ATP11C: variants seen among roughly 807,000 people sequenced by gnomAD.
ATP11C encodes phospholipid-transporting ATPase IG.
ATP11C carries 36 observed loss-of-function variants against 97.4 expected under a neutral mutation model. The ratio of observed to expected loss-of-function variants is 0.37; its 90% CI spans 0.28 to 0.49. ATP11C has a LOEUF of 0.49. Ranked by LOEUF, ATP11C falls within the 20% of genes least tolerant of loss-of-function variation. ATP11C has a pLI of 0.98. For missense variants in ATP11C, 730 were observed against 824.6 expected, an observed-to-expected ratio of 0.89 and a Z score of 1.40; for synonymous variants, 275 against 290.9, an observed-to-expected ratio of 0.95 and a Z score of 0.56.
intron 1 of ATP11C, among the ~76,000 whole-genome samples, chrX:139,929,894 A>G (rs774977078): frequency 1.2e-3 from 133 of 111,024 alleles, no homozygotes; most frequent in South Asian, 6.4e-3. Context: ...CCCCTCCCCC[A>G]AATTTTGAAG....
intron 2 of ATP11C, among the ~76,000 whole-genome samples, chrX:139,821,310 G>A (rs1348792496): frequency 8.9e-6 from 1 of 111,991 alleles, no homozygotes; most frequent in Non-Finnish European, 1.9e-5. Flanking sequence ...CTTCTTATGA[G>A]ATTCCCAAGG....
Position 139,757,692 on chromosome X carries a change from C to G in ATP11C, c.2700+116G>C, listed in dbSNP as rs763286300. 410 of 442,505 alleles carry G rather than the reference C, an allele frequency of 9.3e-4. 2 individuals carry two copies. The South Asian group carries it at 0.011, about 12-fold the overall frequency. The allele number at this position is 442,505 out of a possible 1,213,427, so 36.5% of individuals were successfully genotyped here. Reference sequence around the variant, plus strand: ...CATAAACATTTGCTGTTGTCAAAACCAAGAGATCATTTTACTTTGTACATA... The same window carrying G: ...CATAAACATTTGCTGTTGTCAAAACGAAGAGATCATTTTACTTTGTACATA... On this transcript the variant is annotated intron_variant, in intron 23 of 29. Coordinates refer to ENST00000682941, the MANE Select transcript of ATP11C (RefSeq NM_001353812.2).
chrX:139,817,036 A>G (rs1356816104), intron 3 of ATP11C, 93 bp from the exon 4 acceptor site: 1 of 515,360 alleles, frequency 1.9e-6, no homozygotes, highest in Non-Finnish European at 3.1e-6. Context: ...AAACAGAAAC[A>G]TAGACAAAAC....
intron 1 of ATP11C, among the ~76,000 whole-genome samples, chrX:139,930,574 A>G: frequency 9.0e-6 from 1 of 111,436 alleles, no homozygotes. Flanking sequence ...TAAGAACAAT[A>G]CCCGCTTGCA....
At chrX:139,752,047 T>C (rs1352153223) in intron 23 of ATP11C, among the ~76,000 whole-genome samples, 4 of 111,499 alleles carry the variant, frequency 3.6e-5, no homozygotes, top group Non-Finnish European at 7.5e-5. Flanking sequence ...CATTACCTCC[T>C]GAGCTCTCCT....
chrX:139,733,191 AT>A (rs781733921), intron 28 of ATP11C, among the ~76,000 whole-genome samples: 3 of 111,434 alleles, frequency 2.7e-5, no homozygotes, highest in East Asian at 2.8e-4. Context: ...GTAAGGTATT[AT>A]TTTTTTTCCC....
intron 1 of ATP11C, among the ~76,000 whole-genome samples, chrX:139,853,949 C>G (rs1369016749): frequency 9.2e-6 from 1 of 108,544 alleles, no homozygotes; most frequent in Non-Finnish European, 1.9e-5. Context: ...ATTCCCTTAA[C>G]GCAGCAGGTT....
At chrX:139,861,220 G>A (rs2084188656) in intron 1 of ATP11C, among the ~76,000 whole-genome samples, 1 of 112,023 alleles carries the variant, frequency 8.9e-6, no homozygotes, top group Non-Finnish European at 1.9e-5. Flanking sequence ...AGTCACGTGA[G>A]AAAGATTAGT....
At chrX:139,841,024 T>TG (rs1405159980) in intron 1 of ATP11C, among the ~76,000 whole-genome samples, 140 of 112,267 alleles carry the variant, frequency 1.2e-3, no homozygotes, top group Middle Eastern at 4.7e-3. Context: ...TAAAAAAAAT[T>TG]TTTTTAAAGA....
At chrX:139,769,019 T>C (rs2082194157) in intron 19 of ATP11C, among the ~76,000 whole-genome samples, 1 of 108,284 alleles carries the variant, frequency 9.2e-6, no homozygotes, top group Non-Finnish European at 1.9e-5. Context: ...GATAATACAA[T>C]TGCCCAAGCC....
chrX:139,745,150 T>C (rs1218302322), intron 25 of ATP11C, among the ~76,000 whole-genome samples: 1 of 111,719 alleles, frequency 9.0e-6, no homozygotes, highest in Non-Finnish European at 1.9e-5. Flanking sequence ...AGTAATTTTC[T>C]CCTAGAGTAC....
At chrX:139,873,149 T>G (rs1213178884) in intron 1 of ATP11C, among the ~76,000 whole-genome samples, 1 of 112,484 alleles carries the variant, frequency 8.9e-6, no homozygotes, top group Non-Finnish European at 1.9e-5. Flanking sequence ...ACTTGTAAAT[T>G]TTTTTATCTA....
intron 4 of ATP11C, 92 bp downstream of exon 4, chrX:139,816,771 C>A: frequency 1.9e-6 from 1 of 521,053 alleles, no homozygotes; most frequent in Admixed American, 3.4e-5. Context: ...GGATACTACC[C>A]ACTGTATATA....
chrX:139,878,521 G>A (rs1308857080), intron 1 of ATP11C, among the ~76,000 whole-genome samples: 1 of 111,760 alleles, frequency 8.9e-6, no homozygotes, highest in Non-Finnish European at 1.9e-5. Context: ...CTTTAACTAT[G>A]GATTACATAG....
chrX:139,753,938 C>T (rs1360846605), intron 23 of ATP11C, among the ~76,000 whole-genome samples: 1 of 111,021 alleles, frequency 9.0e-6, no homozygotes, highest in East Asian at 2.8e-4. Context: ...AGCAAACCAA[C>T]CCCAAAGCTA....
intron 1 of ATP11C, among the ~76,000 whole-genome samples, chrX:139,860,235 T>C (rs940348934): frequency 2.7e-5 from 3 of 111,526 alleles, no homozygotes; most frequent in African/African-American, 9.8e-5. Context: ...TATGTTGCTA[T>C]AGGTAGAGAG....
At chrX:139,900,879 A>G (rs901866313) in intron 1 of ATP11C, among the ~76,000 whole-genome samples, 5 of 112,116 alleles carry the variant, frequency 4.5e-5, no homozygotes, top group Non-Finnish European at 7.5e-5. Flanking sequence ...TGGTATTAGA[A>G]GGTAGGGCCT....
Position 139,763,369 on chromosome X carries a change from A to G in ATP11C, c.2441T>C (p.Ile814Thr). 1 of 1,210,681 alleles carries G rather than the reference A, an allele frequency of 8.3e-7. No homozygotes were observed. The highest frequency in any genetic ancestry group is 1.1e-6 in the Non-Finnish European group (1 of 894,426). Reference sequence around the variant, plus strand: ...ACTAACATCATTGGCACCATCACCTATCGACAGAGTTATTGGGCTGCCTTT... The same window carrying G: ...ACTAACATCATTGGCACCATCACCTGTCGACAGAGTTATTGGGCTGCCTTT... Reference protein sequence around the residue: ...NLKGSPITLSIGDGANDVSMI... With the variant: ...NLKGSPITLSTGDGANDVSMI... The change falls in exon 21 of 30, where the codon ATA becomes ACA. Residue 814 changes from isoleucine (I) to threonine (T), a missense_variant. Ile to Thr is a moderately conservative substitution (Grantham distance 89). Coordinates refer to ENST00000682941, the MANE Select transcript of ATP11C (RefSeq NM_001353812.2).
chrX:139,837,990 G>A (rs1039015550), intron 1 of ATP11C, among the ~76,000 whole-genome samples: 2 of 112,066 alleles, frequency 1.8e-5, no homozygotes, highest in Non-Finnish European at 3.8e-5. Context: ...TGATGAGAAC[G>A]TTCAGCTATA....
Sources: gnomAD v4.1 joint callset for allele counts (sites outside exome capture counted in the v4.1 genomes callset) on GRCh38, gnomAD v4.1.1 for gene constraint, MANE v1.5 for transcripts, NCBI Gene and HGNC (gene_info 2026-07-23, HGNC 2026-07-21) for gene names.